Variants in FHIP1A observed in about 807,000 individuals in gnomAD.
The protein encoded by FHIP1A is FHF complex subunit HOOK interacting protein 1A.
Under a neutral mutation model 88.6 loss-of-function variants are expected in FHIP1A, and 61 were observed. That is an observed-to-expected ratio of 0.69 (90% CI 0.56 to 0.85). FHIP1A has a LOEUF of 0.85. Among genes scored for constraint, FHIP1A ranks in the 40% least tolerant of loss-of-function variants. FHIP1A has a pLI of 0.00. For missense variants in FHIP1A, 1,154 were observed against 1,273.5 expected (o/e 0.91, Z 1.43); for synonymous variants, 478 against 496.0 (o/e 0.96, Z 0.48).
At chr4:151,442,107 A>G (rs973364489) in intron 1 of FHIP1A, among the ~76,000 whole-genome samples, 3 of 152,172 alleles carry the variant, frequency 2.0e-5, no homozygotes, top group African/African-American at 7.2e-5. Context: ...TAATCTTAGT[A>G]ATGTTCAACA....
At chr4:151,475,816 TG>T (rs745372660) in intron 2 of FHIP1A, among the ~76,000 whole-genome samples, 61 of 152,252 alleles carry the variant, frequency 4.0e-4, no homozygotes, top group Admixed American at 3.1e-3. Flanking sequence ...AAAAGTCATC[TG>T]TTTTTTTTTA....
At chr4:151,532,724 A>G (rs1022765572) in intron 3 of FHIP1A, among the ~76,000 whole-genome samples, 2 of 152,178 alleles carry the variant, frequency 1.3e-5, no homozygotes, top group African/African-American at 2.4e-5. Flanking sequence ...ACATACTGAG[A>G]CTGGGAAGAA....
At chr4:151,439,675 C>T (rs1253548515) in intron 1 of FHIP1A, among the ~76,000 whole-genome samples, 6 of 152,264 alleles carry the variant, frequency 3.9e-5, no homozygotes, top group African/African-American at 1.4e-4. Flanking sequence ...CAAGCCACAA[C>T]AATTCTGTGA....
chr4:151,442,132 A>T (rs1228604147), intron 1 of FHIP1A, among the ~76,000 whole-genome samples: 4 of 152,150 alleles, frequency 2.6e-5, no homozygotes, highest in African/African-American at 9.7e-5. Context: ...CACACTGCTC[A>T]CATTTATGCA....
At position 151,667,660 on chromosome 4, in the gene FHIP1A, GC is replaced by G. The variant is rs1695936375; in HGVS notation, c.*4907del. 6.6e-6 allele frequency among the ~76,000 whole-genome samples: 1 copy of G among 152,170 alleles called. No homozygotes were observed. The highest frequency in any genetic ancestry group is 2.4e-5 in the African/African-American group (1 of 41,432). On this transcript the variant is annotated 3_prime_UTR_variant, in exon 14 of 14. Coordinates refer to ENST00000435205, the MANE Select transcript of FHIP1A (RefSeq NM_001109977.3). ...GAAGCCTTCAGTTCTTTGACCTCTT[GC>G]ACGTAGAATCCTAAAACTGATCATG...
At chr4:151,480,470 A>G (rs933393672) in intron 2 of FHIP1A, among the ~76,000 whole-genome samples, 2 of 152,126 alleles carry the variant, frequency 1.3e-5, no homozygotes, top group African/African-American at 4.8e-5. Context: ...AAAAGCATCT[A>G]GCAGCAATCT....
At chr4:151,440,372 A>T (rs1561495523) in intron 1 of FHIP1A, among the ~76,000 whole-genome samples, 1 of 152,316 alleles carries the variant, frequency 6.6e-6, no homozygotes, top group East Asian at 1.9e-4. Flanking sequence ...CCTGACACAT[A>T]GTAGGTGCCA....
intron 7 of FHIP1A, 38 bp from the exon 8 acceptor site, chr4:151,629,664 A>G (rs1348191151): frequency 6.5e-7 from 1 of 1,538,034 alleles, no homozygotes; most frequent in East Asian, 2.5e-5. Flanking sequence ...CAGCATCAAA[A>G]GGATGCTCAC....
intron 5 of FHIP1A, among the ~76,000 whole-genome samples, chr4:151,580,897 A>G (rs1302019547): frequency 2.0e-5 from 3 of 150,586 alleles, no homozygotes; most frequent in South Asian, 2.1e-4. Flanking sequence ...TCACTCTGTC[A>G]CCCAGGCTGG....
chr4:151,425,965 A>C (rs1733355725), intron 1 of FHIP1A, among the ~76,000 whole-genome samples: 1 of 152,184 alleles, frequency 6.6e-6, no homozygotes. Flanking sequence ...CTTCCCTGGA[A>C]TCCTTAATTT....
At chr4:151,542,219 G>A (rs2126729276) in intron 3 of FHIP1A, among the ~76,000 whole-genome samples, 1 of 152,192 alleles carries the variant, frequency 6.6e-6, no homozygotes, top group East Asian at 1.9e-4. Flanking sequence ...GTGGTGCTCT[G>A]TTTTGTGCTG....
intron 7 of FHIP1A, among the ~76,000 whole-genome samples, chr4:151,603,609 A>G (rs888271340): frequency 1.3e-5 from 2 of 152,112 alleles, no homozygotes; most frequent in African/African-American, 2.4e-5. Flanking sequence ...TCTTCATCTC[A>G]ATGACCTGTT....
intron 3 of FHIP1A, among the ~76,000 whole-genome samples, chr4:151,539,398 G>A (rs1338382872): frequency 1.3e-5 from 2 of 151,622 alleles, no homozygotes; most frequent in African/African-American, 4.8e-5. Context: ...CCTGGCCAAC[G>A]TGGTGAAAAT....
At chr4:151,509,890 ATCTT>A (rs1190185325) in intron 3 of FHIP1A, among the ~76,000 whole-genome samples, 2 of 152,208 alleles carry the variant, frequency 1.3e-5, no homozygotes, top group South Asian at 2.1e-4. Flanking sequence ...GGAATGATTT[ATCTT>A]TCTTTGTTGG....
At chr4:151,458,665 A>G (rs1457373979) in intron 2 of FHIP1A, among the ~76,000 whole-genome samples, 1 of 152,116 alleles carries the variant, frequency 6.6e-6, no homozygotes, top group Non-Finnish European at 1.5e-5. Context: ...ATTTGGGAAT[A>G]TCTAGAACTG....
chr4:151,589,386 G>C (rs193265752), intron 7 of FHIP1A, among the ~76,000 whole-genome samples: 3 of 152,334 alleles, frequency 2.0e-5, no homozygotes, highest in Admixed American at 2.0e-4. Context: ...AAAAATTAAA[G>C]TGGAGCCAAA....
intron 1 of FHIP1A, among the ~76,000 whole-genome samples, chr4:151,454,363 A>G (rs1288339834): frequency 2.0e-5 from 3 of 152,154 alleles, no homozygotes; most frequent in Non-Finnish European, 4.4e-5. Flanking sequence ...CTGTTCCTAT[A>G]GGTAACTTTG....
rs114796877 is a variant in FHIP1A, at chr4:151,489,432, C to T, written c.-123+6784C>T. On this transcript the variant is annotated intron_variant, in intron 3 of 13. Coordinates refer to ENST00000435205, the MANE Select transcript of FHIP1A (RefSeq NM_001109977.3). ...ACTTTGTAATAATTTTGACTGAGCACGAATTTTCCTGAGTAGAATGTAGGG... is the reference window on the plus strand; with the variant it reads ...ACTTTGTAATAATTTTGACTGAGCATGAATTTTCCTGAGTAGAATGTAGGG... 7.4e-3 allele frequency among the ~76,000 whole-genome samples: 1,132 copies of T among 152,128 alleles called. 14 individuals are homozygous for T. The highest frequency in any genetic ancestry group is 0.022 in the African/African-American group (923 of 41,484).
intron 11 of FHIP1A, among the ~76,000 whole-genome samples, chr4:151,651,939 T>A (rs1737045887): frequency 6.6e-6 from 1 of 152,142 alleles, no homozygotes; most frequent in South Asian, 2.1e-4. Context: ...GATTAGATAA[T>A]CCCACTTTTC....
Sources: allele counts gnomAD v4.1 joint callset (sites outside exome capture counted in the v4.1 genomes callset), GRCh38; gene constraint gnomAD v4.1.1; transcripts MANE v1.5; gene names NCBI Gene and HGNC (gene_info 2026-07-23, HGNC 2026-07-21).